VAMP1: variants seen among roughly 807,000 people sequenced by gnomAD.
VAMP1 encodes the protein vesicle-associated membrane protein 1.
In VAMP1, 16 loss-of-function variants were observed where a neutral mutation model predicts 19.1. The observed-to-expected ratio is 0.84, with a 90% CI of 0.57 to 1.27. The LOEUF is 1.27. Ranked by LOEUF, VAMP1 falls within the 50% of genes most tolerant of loss-of-function variation. The probability of loss-of-function intolerance (pLI) is 0.00; values close to 1 mark genes in which losing one functional copy is unlikely to be tolerated. For missense variants in VAMP1, 109 were observed against 145.4 expected (o/e 0.75, Z 1.29); for synonymous variants, 37 against 50.2 (o/e 0.74, Z 1.11).
Position 6,466,251 on chromosome 12 carries a change from G to C in VAMP1, c.103C>G (p.Gln35Glu). The change falls in exon 2 of 5, where the codon CAG becomes GAG. Residue 35 changes from glutamine (Q) to glutamate (E), a missense_variant. Physicochemically the swap from Gln to Glu is conservative, Grantham distance 29 (BLOSUM62 2). Coordinates refer to ENST00000396308, the MANE Select transcript of VAMP1 (RefSeq NM_014231.5). ...PPNMTSNRRL[Q>E]QTQAQVEEVV... ...TCCTCCACTTGTGCCTGGGTTTGCT[G>C]TAGTCGTCTGTTACTGGTCATGTTA... 6.2e-7 allele frequency: 1 copy of C among 1,614,218 alleles called. No individual in the cohort carries two copies. Among genetic ancestry groups the C allele is most frequent in the Non-Finnish European group, 8.5e-7 (1 of 1,180,044 alleles).
At chr12:6,467,867 G>A (rs1945666340) in intron 1 of VAMP1, among the ~76,000 whole-genome samples, 1 of 152,256 alleles carries the variant, frequency 6.6e-6, no homozygotes, top group African/African-American at 2.4e-5. Context: ...TTCAGAGGGT[G>A]GAAGCCCCAA....
chr12:6,462,372 A>G lies in VAMP1; in HGVS notation c.*2098T>C, dbSNP rs1289390377. The G allele has an allele frequency of 1.6e-5, 8 of 508,666 alleles. No homozygotes were observed. The highest frequency in any genetic ancestry group is 2.8e-5 in the Non-Finnish European group (8 of 285,552). The allele number at this position is 508,666 out of a possible 1,614,324, so 31.5% of individuals were successfully genotyped here. A position where few individuals can be genotyped will look rare whatever the true frequency, so the allele number is the denominator to read the frequency against. ...ATGAGATCAGGGTTAGGAAAAAAAG[A>G]CAAAGAGGTGATGACAGACACACAG... On this transcript the variant is annotated 3_prime_UTR_variant, in exon 5 of 5. Coordinates refer to ENST00000396308, the MANE Select transcript of VAMP1 (RefSeq NM_014231.5).
At position 6,464,312 on chromosome 12, in the gene VAMP1, G is replaced by A; in HGVS notation, c.*158C>T. 3.2e-6 allele frequency: 5 copies of A among 1,546,398 alleles called. No homozygotes were observed. The highest frequency in any genetic ancestry group is 4.4e-6 in the Non-Finnish European group (5 of 1,144,544). On this transcript the variant is annotated 3_prime_UTR_variant, in exon 5 of 5. Transcript: ENST00000396308. ...GCAGCATTTCTAGTGTTGAGGGACA[G>A]AGTGCAAATGAACGCAACGAAAAAG...
Position 6,463,998 on chromosome 12 carries a change from G to A in VAMP1, c.*472C>T, listed in dbSNP as rs1408139272. The A allele has an allele frequency of 9.3e-6, 12 of 1,291,768 alleles. No individual in the cohort carries two copies. The highest frequency in any genetic ancestry group is 1.1e-5 in the Non-Finnish European group (11 of 990,568). The allele number at this position is 1,291,768 out of a possible 1,614,324, so 80.0% of individuals were successfully genotyped here. On this transcript the variant is annotated 3_prime_UTR_variant, in exon 5 of 5. Transcript: ENST00000396308. This position sits in a 1 kb window ranked among gnomAD's most constrained non-coding sequence, Gnocchi z 4.0. ...ACCCTCTTCAGGCCTGGTCCAGGAA[G>A]GAAAGCTCCACATGACCAGGCAGTA...
In VAMP1 at chr12:6,470,598, C is replaced by G; in HGVS notation, c.-67G>C. The stretch of plus-strand genomic sequence containing the variant: ...CTGCGGCGAGACACCCGGTGAGGGA[C>G]GCTGCGGCTGAAGTGGACGGAACTG... On this transcript the variant is annotated 5_prime_UTR_variant, in exon 1 of 5. Transcript: ENST00000396308. 1.2e-6 allele frequency: 2 copies of G among 1,604,996 alleles called. No individual in the cohort carries two copies. Among genetic ancestry groups the G allele is most frequent in the Non-Finnish European group, 1.7e-6 (2 of 1,173,100 alleles).
At chr12:6,468,120 A>G (rs566317904) in intron 1 of VAMP1, among the ~76,000 whole-genome samples, 2 of 152,310 alleles carry the variant, frequency 1.3e-5, no homozygotes, top group East Asian at 3.9e-4. Context: ...GCTATGAGAA[A>G]AAGGTCACCA....
rs1565526992 is a variant in VAMP1 at position 6,466,017 on chromosome 12, A to C, written c.130-17T>G. ...GTCCACCACCTGAGGAGGGCACAGA[A>C]ACAAAGCAGCTAAGCTTCCTGCCAG... is the stretch of plus-strand genomic sequence containing the variant. On this transcript the variant is annotated splice_polypyrimidine_tract_variant and intron_variant, in intron 2 of 4. Coordinates refer to ENST00000396308, the MANE Select transcript of VAMP1 (RefSeq NM_014231.5). The C allele has an allele frequency of 6.2e-7, 1 of 1,614,046 alleles. No homozygotes were observed. Among genetic ancestry groups the C allele is most frequent in the East Asian group, 2.2e-5 (1 of 44,878 alleles).
At position 6,463,831 on chromosome 12, in the gene VAMP1, G is replaced by A. The variant is rs1949938769; in HGVS notation, c.*639C>T. 8.1e-7 allele frequency: 1 copy of A among 1,229,044 alleles called. No homozygotes were observed. 76.1% of individuals were successfully genotyped at this position (1,229,044 alleles called of 1,614,324 possible). A position where few individuals can be genotyped will look rare whatever the true frequency, so the allele number is the denominator to read the frequency against. Reference sequence around the variant, plus strand: ...ATCCCTAAGTGTTCTCCAGGCCTCTGGAGAACAAAGTAAAGTTGTAAGATC... The same window carrying A: ...ATCCCTAAGTGTTCTCCAGGCCTCTAGAGAACAAAGTAAAGTTGTAAGATC... On this transcript the variant is annotated 3_prime_UTR_variant, in exon 5 of 5. Transcript: ENST00000396308. The surrounding 1 kb of genome is among the most constrained non-coding windows in gnomAD (Gnocchi z 4.0).
intron 3 of VAMP1, 24 bp from the exon 4 acceptor site, chr12:6,464,965 G>T: frequency 6.2e-7 from 1 of 1,612,962 alleles, no homozygotes; most frequent in African/African-American, 1.3e-5. Flanking sequence ...GACAAAAAAT[G>T]AGCCCTTGGA....
Position 6,464,104 on chromosome 12 carries a change from T to A in VAMP1, c.*366A>T, listed in dbSNP as rs1201592961. 3.8e-6 allele frequency: 5 copies of A among 1,322,744 alleles called. No homozygotes were observed. The highest frequency in any genetic ancestry group is 4.9e-6 in the Non-Finnish European group (5 of 1,010,558). The allele number at this position is 1,322,744 out of a possible 1,614,324, so 81.9% of individuals were successfully genotyped here. On this transcript the variant is annotated 3_prime_UTR_variant, in exon 5 of 5. Transcript: ENST00000396308. ...TTCTAGAAGTCACCATGGGCACCGATACTCTTCTCCTCCCAAGTCTGGGCA... is the reference window on the plus strand; with the variant it reads ...TTCTAGAAGTCACCATGGGCACCGAAACTCTTCTCCTCCCAAGTCTGGGCA...
intron 1 of VAMP1, 139 bp downstream of exon 1, chr12:6,470,391 G>A (rs377456992): frequency 8.3e-6 from 11 of 1,323,616 alleles, no homozygotes; most frequent in East Asian, 7.5e-5. Flanking sequence ...GGGGTGGCCC[G>A]GTCCGGAAGC....
At chr12:6,468,361 G>A (rs1296361566) in intron 1 of VAMP1, among the ~76,000 whole-genome samples, 5 of 152,232 alleles carry the variant, frequency 3.3e-5, no homozygotes, top group Non-Finnish European at 7.3e-5. Context: ...TGCCATAAGG[G>A]CAGCTTGGAA....
chr12:6,463,014 T>G lies in VAMP1; in HGVS notation c.*1456A>C, dbSNP rs1949921319. On this transcript the variant is annotated 3_prime_UTR_variant, in exon 5 of 5. Coordinates refer to ENST00000396308, the MANE Select transcript of VAMP1 (RefSeq NM_014231.5). The surrounding 1 kb of genome is among the most constrained non-coding windows in gnomAD (Gnocchi z 4.0). ...AGAAGGAATAAAGGGCCATGGGCATTCTCCGCTCTGTTCCCAGCCTGCCCT... is the reference window on the plus strand; with the variant it reads ...AGAAGGAATAAAGGGCCATGGGCATGCTCCGCTCTGTTCCCAGCCTGCCCT... 1 of 1,548,726 alleles carries G rather than the reference T, an allele frequency of 6.5e-7. No homozygotes were observed. The highest frequency in any genetic ancestry group is 8.7e-7 in the Non-Finnish European group (1 of 1,146,964).
intron 1 of VAMP1, among the ~76,000 whole-genome samples, chr12:6,469,166 C>T (rs1470609234): frequency 6.6e-6 from 1 of 152,142 alleles, no homozygotes; most frequent in Non-Finnish European, 1.5e-5. Flanking sequence ...GGAGGTAAAG[C>T]AAAGATAGAC....
In VAMP1 at chr12:6,466,310, G is replaced by A; in HGVS notation, c.44C>T (p.Thr15Ile). Residue 15 changes from threonine to isoleucine, a missense_variant, in exon 2 of 5, where the codon ACT (threonine) becomes ATT (isoleucine). By Grantham distance (89) the Thr-to-Ile change is moderately conservative. Transcript: ENST00000396308. Reference sequence around the variant, plus strand: ...GCCAGGGGGACCCCCACCTGGGGCAGTCCCTTCTGTCCCTTCAGCAGGTGG... The same window carrying A: ...GCCAGGGGGACCCCCACCTGGGGCAATCCCTTCTGTCCCTTCAGCAGGTGG... Reference protein sequence around the residue: ...AQPPAEGTEGTAPGGGPPGPP... With the variant: ...AQPPAEGTEGIAPGGGPPGPP... The A allele has an allele frequency of 6.2e-7, 1 of 1,614,096 alleles. No homozygotes were observed. The highest frequency in any genetic ancestry group is 8.5e-7 in the Non-Finnish European group (1 of 1,179,968).
Position 6,463,510 on chromosome 12 carries a change from G to C in VAMP1, c.*960C>G. On this transcript the variant is annotated 3_prime_UTR_variant, in exon 5 of 5. Transcript: ENST00000396308. This position sits in a 1 kb window ranked among gnomAD's most constrained non-coding sequence, Gnocchi z 4.0. ...TCACGCTCCTTCATCAACAGGAAGA[G>C]AGGAACAGGACCCTCTTTAACGAGG... 1 of 1,040,024 alleles carries C rather than the reference G, an allele frequency of 9.6e-7. No homozygotes were observed. The highest frequency in any genetic ancestry group is 1.2e-6 in the Non-Finnish European group (1 of 862,260). 64.4% of individuals were successfully genotyped at this position (1,040,024 alleles called of 1,614,324 possible).
In VAMP1 at chr12:6,463,122, C is replaced by T. The variant is rs1949924027; in HGVS notation, c.*1348G>A. On this transcript the variant is annotated 3_prime_UTR_variant, in exon 5 of 5. Transcript: ENST00000396308. The surrounding 1 kb of genome is among the most constrained non-coding windows in gnomAD (Gnocchi z 4.0). ...TGCCCCGAAGATAGGCTGAGCAGAT[C>T]CCATCCTCAGGTTCCACTGTCTATA... is the stretch of plus-strand genomic sequence containing the variant. The T allele has an allele frequency of 2.7e-6, 4 of 1,494,628 alleles. No individual in the cohort carries two copies. The highest frequency in any genetic ancestry group is 2.6e-5 in the South Asian group (2 of 77,284). 92.6% of individuals were successfully genotyped at this position (1,494,628 alleles called of 1,614,324 possible).
rs766734708 is a variant in VAMP1, at chr12:6,463,367, G to A, written c.*1103C>T. The stretch of plus-strand genomic sequence containing the variant: ...GGTCTACATGACTTCTCTGCATCCT[G>A]AGGATCGGCCGGGCCCCAGGAAGAA... On this transcript the variant is annotated 3_prime_UTR_variant, in exon 5 of 5. Coordinates refer to ENST00000396308, the MANE Select transcript of VAMP1 (RefSeq NM_014231.5). This position sits in a 1 kb window ranked among gnomAD's most constrained non-coding sequence, Gnocchi z 4.0. The A allele has an allele frequency of 2.4e-5, 26 of 1,094,572 alleles. 1 individual carries two copies. Among genetic ancestry groups the A allele is most frequent in the Non-Finnish European group, 2.9e-5 (26 of 896,032 alleles). 67.8% of individuals were successfully genotyped at this position (1,094,572 alleles called of 1,614,324 possible).
intron 4 of VAMP1, 77 bp downstream of exon 4, chr12:6,464,813 G>T: frequency 6.4e-7 from 1 of 1,558,020 alleles, no homozygotes. Context: ...CCACTCCCCA[G>T]GCAGGCAGGC....
Sources: allele counts gnomAD v4.1 joint callset (sites outside exome capture counted in the v4.1 genomes callset), GRCh38; gene constraint gnomAD v4.1.1; non-coding constraint Gnocchi (gnomAD v3.1); transcripts MANE v1.5; gene names NCBI Gene and HGNC (gene_info 2026-07-23, HGNC 2026-07-21).